Variants in SYTL5 observed in about 807,000 individuals in gnomAD.
The protein encoded by SYTL5 is synaptotagmin-like protein 5.
A neutral mutation model predicts 55.9 loss-of-function variants in SYTL5; 34 were observed. That is an observed-to-expected ratio of 0.61 (90% CI 0.46 to 0.81). The LOEUF (loss-of-function observed/expected upper bound fraction) is 0.81. Among genes scored for constraint, SYTL5 ranks in the 30% least tolerant of loss-of-function variants. The pLI is 0.00. For missense variants in SYTL5, 637 were observed against 546.7 expected (o/e 1.17, Z -1.65); for synonymous variants, 221 against 188.7 (o/e 1.17, Z -1.40).
At chrX:38,020,191 T>C (rs570862500) in intron 1 of SYTL5, among the ~76,000 whole-genome samples, 2 of 110,093 alleles carry the variant, frequency 1.8e-5, no homozygotes, top group South Asian at 7.8e-4. Flanking sequence ...TCATGACATA[T>C]GAAGCAGAGG....
the SYTL5 span, among the ~76,000 whole-genome samples, chrX:37,941,772 A>C: frequency 8.9e-6 from 1 of 112,076 alleles, no homozygotes; most frequent in Non-Finnish European, 1.9e-5. Flanking sequence ...TGTACTAAAG[A>C]CATTGAACCA....
chrX:37,999,929 G>A, the SYTL5 span, among the ~76,000 whole-genome samples: 2 of 111,578 alleles, frequency 1.8e-5, no homozygotes, highest in East Asian at 5.6e-4. Flanking sequence ...CTTAGAAATA[G>A]CGCTCAAGAT....
chrX:38,003,677 A>T (rs1466126122), upstream of SYTL5, among the ~76,000 whole-genome samples: 3 of 111,986 alleles, frequency 2.7e-5, no homozygotes, highest in East Asian at 2.8e-4. Context: ...ATTCAATGCC[A>T]TCCCCATCAA....
intron 9 of SYTL5, among the ~76,000 whole-genome samples, chrX:38,098,642 T>G (rs1041267563): frequency 5.3e-4 from 59 of 110,925 alleles, no homozygotes; most frequent in African/African-American, 1.9e-3. Context: ...AGTTTGGCAA[T>G]TTCTTTAAAA....
chrX:38,061,224 A>T (rs1161618951), intron 3 of SYTL5, among the ~76,000 whole-genome samples: 2 of 111,980 alleles, frequency 1.8e-5, no homozygotes, highest in Non-Finnish European at 3.8e-5. Context: ...ATTTAATTTG[A>T]TATATCAAAA....
the SYTL5 span, among the ~76,000 whole-genome samples, chrX:37,932,334 G>A: frequency 2.7e-5 from 3 of 111,192 alleles, no homozygotes; most frequent in Admixed American, 9.6e-5. Context: ...TGGAGGGGGA[G>A]CCATCTTTAC....
At chrX:38,054,611 TGAGAGAGAGAGAGAGA>T (rs3067495) in intron 3 of SYTL5, among the ~76,000 whole-genome samples, 189 bp downstream of exon 3, 3 of 95,408 alleles carry the variant, frequency 3.1e-5, no homozygotes, top group Admixed American at 1.2e-4. Flanking sequence ...TGTGTGTATG[TGAGAGAGAGAGAGAGA>T]GAGAGAGAGA....
At chrX:38,102,641 T>C (rs1281689170) in intron 10 of SYTL5, among the ~76,000 whole-genome samples, 1 of 111,626 alleles carries the variant, frequency 9.0e-6, no homozygotes, top group Non-Finnish European at 1.9e-5. Flanking sequence ...TTCTTCCTTC[T>C]TCCACAGTCC....
At chrX:37,911,009 G>C in the SYTL5 span, among the ~76,000 whole-genome samples, 1 of 93,095 alleles carries the variant, frequency 1.1e-5, no homozygotes, top group Non-Finnish European at 2.0e-5. Flanking sequence ...TCTGTTGCCC[G>C]GGATAGAGTG....
chrX:38,072,869 G>A (rs1160815570), intron 4 of SYTL5, among the ~76,000 whole-genome samples: 1 of 112,158 alleles, frequency 8.9e-6, no homozygotes, highest in Non-Finnish European at 1.9e-5. Flanking sequence ...TCTCGTATAT[G>A]GTGTAGTAAA....
the SYTL5 span, among the ~76,000 whole-genome samples, chrX:37,966,657 C>T: frequency 5.4e-5 from 6 of 110,515 alleles, no homozygotes; most frequent in African/African-American, 1.6e-4. Flanking sequence ...AGCCTGGTCT[C>T]GAACTCCTGA....
At chrX:38,090,116 G>A (rs1936762528) in intron 7 of SYTL5, among the ~76,000 whole-genome samples, 1 of 111,891 alleles carries the variant, frequency 8.9e-6, no homozygotes, top group Non-Finnish European at 1.9e-5. Context: ...CAGGTTCAAA[G>A]GTAGCACTTG....
At chrX:37,914,580 G>C in the SYTL5 span, among the ~76,000 whole-genome samples, 1 of 111,408 alleles carries the variant, frequency 9.0e-6, no homozygotes, top group Non-Finnish European at 1.9e-5. Context: ...AATAGTACTG[G>C]GGAGACAGAG....
intron 2 of SYTL5, among the ~76,000 whole-genome samples, chrX:38,049,422 C>A (rs1185074207): frequency 2.7e-5 from 3 of 111,279 alleles, no homozygotes; most frequent in African/African-American, 6.5e-5. Context: ...TGACTGGTGG[C>A]TTTTGTGGTA....
rs756759056 is a variant in SYTL5, at chrX:38,128,419, T to G, written c.*1689T>G. The G allele has an allele frequency of 7.2e-5, 8 of 111,751 alleles. No individual in the cohort carries two copies. Among genetic ancestry groups the G allele is most frequent in the Non-Finnish European group, 1.1e-4 (6 of 53,159 alleles). 9.2% of individuals were successfully genotyped at this position (111,751 alleles called of 1,213,427 possible). On this transcript the variant is annotated 3_prime_UTR_variant, in exon 17 of 17. Transcript: ENST00000297875. ...GACCAAGGTATGTTCTGGAGTCATATTCTAGCCTCTGAGCTCATTTTTTCA... is the reference window on the plus strand; with the variant it reads ...GACCAAGGTATGTTCTGGAGTCATAGTCTAGCCTCTGAGCTCATTTTTTCA...
At chrX:37,945,653 T>C in the SYTL5 span, among the ~76,000 whole-genome samples, 2 of 112,193 alleles carry the variant, frequency 1.8e-5, no homozygotes, top group African/African-American at 6.5e-5. Context: ...TGTTGTGGTA[T>C]GTTTACTTAA....
At chrX:38,053,820 G>A (rs1398693865) in intron 2 of SYTL5, among the ~76,000 whole-genome samples, 3 of 111,977 alleles carry the variant, frequency 2.7e-5, no homozygotes, top group Non-Finnish European at 5.6e-5. Flanking sequence ...AGTAGAATGA[G>A]AATAAATACT....
chrX:37,940,119 A>G, the SYTL5 span, among the ~76,000 whole-genome samples: 2 of 110,553 alleles, frequency 1.8e-5, no homozygotes, highest in East Asian at 2.8e-4. Flanking sequence ...TATAGGTGTG[A>G]GCCACCTCAC....
chrX:38,072,090 G>A lies in SYTL5; in HGVS notation c.373G>A (p.Ala125Thr), dbSNP rs753440296. Residue 125 changes from alanine to threonine, a missense_variant, in exon 4 of 17, where the codon GCA (alanine) becomes ACA (threonine). By Grantham distance (58) the Ala-to-Thr change is moderately conservative. Transcript: ENST00000297875. ...TGGTGAGTGGTTTTTTGAAGAAAAG[G>A]CAAAACGTTTCAAGCAAGTCAATGT... ...ITGEWFFEEK[A>T]KRFKQVNVLG... 8 of 1,210,734 alleles carry A rather than the reference G, an allele frequency of 6.6e-6. No homozygotes were observed. The highest frequency in any genetic ancestry group is 8.9e-6 in the Non-Finnish European group (8 of 894,797).
Sources: gnomAD v4.1 joint callset for allele counts (sites outside exome capture counted in the v4.1 genomes callset) on GRCh38, gnomAD v4.1.1 for gene constraint, MANE v1.5 for transcripts, NCBI Gene and HGNC (gene_info 2026-07-23, HGNC 2026-07-21) for gene names.